ASPSCR1: variants seen among roughly 807,000 people sequenced by gnomAD.
ASPSCR1 encodes ASPSCR1 tether for SLC2A4, UBX domain containing.
Under a neutral mutation model 68.9 loss-of-function variants are expected in ASPSCR1, and 55 were observed. The ratio of observed to expected loss-of-function variants is 0.80; its 90% CI spans 0.64 to 1.00. ASPSCR1 has a LOEUF of 1.00. Ranked by LOEUF, ASPSCR1 falls within the 50% of genes least tolerant of loss-of-function variation. The probability of loss-of-function intolerance (pLI) is 0.00; values close to 1 mark genes in which losing one functional copy is unlikely to be tolerated. For missense variants in ASPSCR1, 765 were observed against 762.2 expected, an observed-to-expected ratio of 1.00 and a Z score of -0.04; for synonymous variants, 352 against 332.6, an observed-to-expected ratio of 1.06 and a Z score of -0.63.
chr17:81,981,882 T>C (rs376202673), intron 2 of ASPSCR1, among the ~76,000 whole-genome samples: 2 of 152,284 alleles, frequency 1.3e-5, no homozygotes, highest in African/African-American at 4.8e-5. Context: ...ACCAGGCTGG[T>C]CTCAAACTCC....
rs1183533388 is a variant in ASPSCR1 at position 81,990,651 on chromosome 17, G to T, written c.375-4170G>T. Among the ~76,000 whole-genome samples the T allele has an allele frequency of 6.6e-6, 1 of 152,174 alleles. No individual in the cohort carries two copies. The highest frequency in any genetic ancestry group is 1.5e-5 in the Non-Finnish European group (1 of 68,034). ...GTTTGAGATCTTTATTACGGGGAGT[G>T]TGCCTTCCGTGATAGGAGACGCATG... On this transcript the variant is annotated intron_variant, in intron 4 of 15. Transcript: ENST00000306739. This position sits in a 1 kb window ranked among gnomAD's most constrained non-coding sequence, Gnocchi z 4.1.
chr17:82,012,345 G>A, intron 12 of ASPSCR1, 62 bp downstream of exon 12: 1 of 1,548,760 alleles, frequency 6.5e-7, no homozygotes, highest in Non-Finnish European at 8.9e-7. Flanking sequence ...CAGGACGAGA[G>A]CGTGAGGCCT....
intron 6 of ASPSCR1, 134 bp from the exon 7 acceptor site, chr17:81,996,286 C>T: frequency 7.0e-7 from 1 of 1,424,456 alleles, no homozygotes; most frequent in Admixed American, 2.8e-5. Context: ...TGGGAGGGCG[C>T]ATGGGGCAGG....
At chr17:82,015,334 A>G in intron 12 of ASPSCR1, 1 of 1,598,016 alleles carries the variant, frequency 6.3e-7, no homozygotes, top group Non-Finnish European at 8.5e-7. Context: ...AAGGCTGGGC[A>G]CAAGCACGTG....
rs1161560693 is a variant in ASPSCR1, at chr17:81,977,653, GC to G, written c.11del (p.Pro4ArgfsTer21). The G allele has an allele frequency of 4.3e-6, 6 of 1,396,040 alleles. No homozygotes were observed. Among genetic ancestry groups the G allele is most frequent in the Admixed American group, 2.9e-5 (1 of 34,214 alleles). The allele number at this position is 1,396,040 out of a possible 1,614,324, so 86.5% of individuals were successfully genotyped here. MA[A>X]PAGGGGSAVS... ...CGGGTCACGTGAGCGGAAAATGGCG[GC>G]CCCGGCAGGCGGCGGAGGCTCCGCG... On this transcript the variant is annotated frameshift_variant, in exon 1 of 16. Transcript: ENST00000306739. LOFTEE classifies it high-confidence loss of function. This position sits in a 1 kb window ranked among gnomAD's most constrained non-coding sequence, Gnocchi z 5.0.
intron 7 of ASPSCR1, chr17:82,008,815 G>A (rs1567986833): frequency 2.0e-6 from 1 of 506,984 alleles, no homozygotes; most frequent in Non-Finnish European, 3.3e-6. Context: ...GGGAGAGGGG[G>A]GTCTCCAGCC....
chr17:82,008,019 C>G (rs765223519), intron 7 of ASPSCR1: 21 of 152,332 alleles, frequency 1.4e-4, no homozygotes, highest in Non-Finnish European at 1.5e-4. Context: ...GCCAGACTCC[C>G]GTGACAAGTC....
intron 9 of ASPSCR1, among the ~76,000 whole-genome samples, chr17:82,010,517 A>G (rs1465065263): frequency 3.5e-5 from 5 of 143,928 alleles, no homozygotes; most frequent in East Asian, 2.1e-4. Flanking sequence ...CGACAGAGTG[A>G]GACTCCATCT....
rs750872833 is a variant in ASPSCR1 at position 82,010,897 on chromosome 17, TG to T, written c.1237+35del. 3.2e-5 allele frequency: 51 copies of T among 1,606,830 alleles called. No individual in the cohort carries two copies. The African/African-American group carries it at 5.7e-4, about 18-fold the overall frequency. Reference sequence around the variant, plus strand: ...GGCAGCGCTGTGGGGTGTCCGGGGATGGGGGGCAGGGGCCCATGGGGCCTCT... The same window carrying T: ...GGCAGCGCTGTGGGGTGTCCGGGGATGGGGGCAGGGGCCCATGGGGCCTCT... On this transcript the variant is annotated intron_variant, in intron 10 of 15. Coordinates refer to ENST00000306739, the MANE Select transcript of ASPSCR1 (RefSeq NM_024083.4).
chr17:82,000,295 G>A (rs547857959), intron 7 of ASPSCR1, among the ~76,000 whole-genome samples: 3 of 152,348 alleles, frequency 2.0e-5, no homozygotes, highest in African/African-American at 4.8e-5. Context: ...GCCCGTGCTC[G>A]CCCGTCGGGA....
chr17:82,011,372 G>T (rs1030476525), intron 10 of ASPSCR1, among the ~76,000 whole-genome samples, 171 bp from the exon 11 acceptor site: 1 of 152,180 alleles, frequency 6.6e-6, no homozygotes, highest in Admixed American at 6.5e-5. Context: ...AGTGTGGCCC[G>T]CACGGTGGCC....
chr17:81,996,869 G>T, intron 7 of ASPSCR1, 23 bp downstream of exon 7: 17 of 1,552,454 alleles, frequency 1.1e-5, no homozygotes, highest in Non-Finnish European at 1.5e-5. Flanking sequence ...CTAGGCCTTG[G>T]GACTTGGGGG....
rs563857852 is a variant in ASPSCR1, at chr17:81,996,351, T to G, written c.507-69T>G. 7.9e-6 allele frequency: 12 copies of G among 1,518,836 alleles called. No homozygotes were observed. The East Asian group carries it at 9.1e-5, about 12-fold the overall frequency. The allele number at this position is 1,518,836 out of a possible 1,614,324, so 94.1% of individuals were successfully genotyped here. A position where few individuals can be genotyped will look rare whatever the true frequency, so the allele number is the denominator to read the frequency against. On this transcript the variant is annotated intron_variant, in intron 6 of 15. Coordinates refer to ENST00000306739, the MANE Select transcript of ASPSCR1 (RefSeq NM_024083.4). ...AGCCGGGGGCGGGAGAGGGTGAGCC[T>G]GGGCCGGGAGAGGGTGAGCCGGGGG...
At chr17:81,993,511 C>A (rs556250593) in intron 4 of ASPSCR1, among the ~76,000 whole-genome samples, 59 of 152,350 alleles carry the variant, frequency 3.9e-4, no homozygotes, top group African/African-American at 1.4e-3. Context: ...CCGCGCCCGG[C>A]TGAGTCCTGC....
rs1242328207 is a variant in ASPSCR1 at position 82,017,020 on chromosome 17, G to A, written c.1555G>A (p.Glu519Lys). 2 of 1,612,514 alleles carry A rather than the reference G, an allele frequency of 1.2e-6. No homozygotes were observed. Among genetic ancestry groups the A allele is most frequent in the Admixed American group, 1.7e-5 (1 of 60,016 alleles). Residue 519 changes from glutamate (E) to lysine (K), a missense_variant, in exon 15 of 16, where the codon GAG becomes AAG. By Grantham distance (56) the Glu-to-Lys change is moderately conservative. Transcript: ENST00000306739. ...PAPKSEPAAE[E>K]GALVPPEPIP... ...ACCTAAGTCTGAGCCAGCTGCTGAG[G>A]AGGGGGCGCTGGTCCCCCCTGAGCC... is the stretch of plus-strand genomic sequence containing the variant.
chr17:81,985,432 G>C, intron 3 of ASPSCR1, 75 bp from the exon 4 acceptor site: 2 of 1,492,536 alleles, frequency 1.3e-6, no homozygotes, highest in Admixed American at 3.5e-5. Flanking sequence ...TCTGTGTCTG[G>C]AGAATCAGTC....
intron 4 of ASPSCR1, among the ~76,000 whole-genome samples, chr17:81,989,039 C>G (rs1291640740): frequency 1.3e-5 from 2 of 152,014 alleles, no homozygotes; most frequent in Non-Finnish European, 2.9e-5. Context: ...GAAACCCCGT[C>G]TCTACTAAAA....
chr17:82,016,975 T>C lies in ASPSCR1; in HGVS notation c.1510T>C (p.Leu504=). 6.2e-7 allele frequency: 1 copy of C among 1,611,822 alleles called. No homozygotes were observed. The highest frequency in any genetic ancestry group is 2.2e-5 in the East Asian group (1 of 44,824). The change falls in exon 15 of 16, where the codon TTG becomes CTG. Residue 504 remains leucine, a synonymous_variant. Coordinates refer to ENST00000306739, the MANE Select transcript of ASPSCR1 (RefSeq NM_024083.4). ...MSRAAGSPSP[L]PAPDPAPKSE... ...CAGGGCCGCCGGGTCCCCTTCCCCA[T>C]TGCCAGCCCCTGACCCTGCACCTAA...
At chr17:82,002,142 C>T (rs139515918) in intron 7 of ASPSCR1, among the ~76,000 whole-genome samples, 3,108 of 150,606 alleles carry the variant, frequency 0.021, 38 homozygotes, top group Non-Finnish European at 0.032. Flanking sequence ...GTGTGAGCCA[C>T]TGCACCTGGC....
Sources: allele counts gnomAD v4.1 joint callset (sites outside exome capture counted in the v4.1 genomes callset), GRCh38; gene constraint gnomAD v4.1.1; non-coding constraint Gnocchi (gnomAD v3.1); transcripts MANE v1.5; gene names NCBI Gene and HGNC (gene_info 2026-07-23, HGNC 2026-07-21).